The following AKAP1 variants were observed in gnomAD, a reference collection of about 807,000 sequenced individuals.
AKAP1 encodes the protein A-kinase anchor protein 1, mitochondrial.
Under a neutral mutation model 79.8 loss-of-function variants are expected in AKAP1, and 32 were observed. The ratio of observed to expected loss-of-function variants is 0.40; its 90% confidence interval spans 0.30 to 0.54. The LOEUF (loss-of-function observed/expected upper bound fraction) is 0.54, where lower values mean the gene tolerates loss of function less well. Ranked by LOEUF, AKAP1 falls within the 20% of genes least tolerant of loss-of-function variation. The probability of loss-of-function intolerance (pLI) is 0.47; values close to 1 mark genes in which losing one functional copy is unlikely to be tolerated. For synonymous variants in AKAP1, 416 were observed against 466.7 expected (o/e 0.89, Z 1.40); for missense variants, 961 against 1,138.9 (o/e 0.84, Z 2.25).
At chr17:57,092,181 T>C (rs954419711) in intron 1 of AKAP1, 2 of 152,184 alleles carry the variant, frequency 1.3e-5, no homozygotes, top group Non-Finnish European at 2.9e-5. Context: ...ACACAGAAGC[T>C]GAAGAGGGAT....
intron 3 of AKAP1, 48 bp from the exon 4 acceptor site, chr17:57,111,750 G>T: frequency 6.2e-7 from 1 of 1,606,864 alleles, no homozygotes; most frequent in Non-Finnish European, 8.5e-7. Context: ...GGTGTCCAGG[G>T]AATTGGTTTC....
At chr17:57,109,019 A>G (rs144238977) in intron 2 of AKAP1, among the ~76,000 whole-genome samples, 1 of 152,184 alleles carries the variant, frequency 6.6e-6, no homozygotes, top group Non-Finnish European at 1.5e-5. Context: ...TAAGGGGGGA[A>G]GTCATTTTGA....
intron 6 of AKAP1, among the ~76,000 whole-genome samples, chr17:57,115,695 T>C (rs1915538108): frequency 6.6e-6 from 1 of 152,212 alleles, no homozygotes; most frequent in South Asian, 2.1e-4. Context: ...ACCCTAGGTA[T>C]GAGGATGCTG....
chr17:57,107,275 CAA>C (rs887929264), intron 2 of AKAP1, 97 bp downstream of exon 2: 2 of 1,487,884 alleles, frequency 1.3e-6, no homozygotes, highest in African/African-American at 1.4e-5. Flanking sequence ...ACTTGTGCAG[CAA>C]AGTCATAGTG....
chr17:57,109,253 C>T (rs11651918), intron 2 of AKAP1, among the ~76,000 whole-genome samples: 15,195 of 152,198 alleles, frequency 0.1, 839 homozygotes, highest in Non-Finnish European at 0.11. Flanking sequence ...TTTTTTGTGA[C>T]GGTCCCTTTG....
intron 2 of AKAP1, chr17:57,107,834 G>A: frequency 3.6e-6 from 2 of 557,346 alleles, no homozygotes; most frequent in Non-Finnish European, 6.2e-6. Context: ...AGCTCTTACA[G>A]GGTAAGTGCC....
chr17:57,105,222 G>A (rs1266835097), intron 1 of AKAP1, among the ~76,000 whole-genome samples: 2 of 152,208 alleles, frequency 1.3e-5, no homozygotes, highest in Non-Finnish European at 2.9e-5. Flanking sequence ...GAGTTGGGGA[G>A]CATGGAGGGG....
At chr17:57,101,230 G>A (rs2072026055) in intron 1 of AKAP1, among the ~76,000 whole-genome samples, 1 of 152,174 alleles carries the variant, frequency 6.6e-6, no homozygotes, top group Admixed American at 6.5e-5. Flanking sequence ...CCCCCAGGAT[G>A]GGGTCTCACT....
intron 2 of AKAP1, among the ~76,000 whole-genome samples, chr17:57,109,316 C>T (rs1282290099): frequency 6.6e-6 from 1 of 152,178 alleles, no homozygotes; most frequent in Non-Finnish European, 1.5e-5. Context: ...GAGTCTGTTC[C>T]CATTGGGTTT....
intron 3 of AKAP1, among the ~76,000 whole-genome samples, chr17:57,111,495 C>A (rs978070226): frequency 6.6e-6 from 1 of 152,222 alleles, no homozygotes; most frequent in Non-Finnish European, 1.5e-5. Context: ...GAAATGGGAA[C>A]TGCTTGGTCC....
At chr17:57,119,830 C>CTTTTTTGTTTTTTTTTT (rs1915810421) in intron 10 of AKAP1, among the ~76,000 whole-genome samples, 1 of 70,290 alleles carries the variant, frequency 1.4e-5, no homozygotes, top group East Asian at 3.4e-4. Flanking sequence ...CCCTGTTACT[C>CTTTTTTGTTTTTTTTTT]TTTTTTTTTT....
intron 1 of AKAP1, among the ~76,000 whole-genome samples, chr17:57,097,031 TA>T (rs1310967585): frequency 1.3e-5 from 2 of 152,060 alleles, no homozygotes; most frequent in Non-Finnish European, 2.9e-5. Flanking sequence ...TACTCTACTT[TA>T]CCATGTTGCA....
At chr17:57,118,842 G>A (rs369019743) in intron 9 of AKAP1, 140 bp from the exon 10 acceptor site, 3 of 888,206 alleles carry the variant, frequency 3.4e-6, no homozygotes, top group African/African-American at 3.3e-5. Context: ...AACAGCATGG[G>A]CACACCGCCT....
chr17:57,086,151 T>C lies in AKAP1; in HGVS notation c.-25+753T>C. ...GGCGTGTCCGGAGGGGTGGAGGCCG[T>C]CCAGCCTGGGGTGTCTGCCGACCTC... On this transcript the variant is annotated intron_variant, in intron 1 of 10. Coordinates refer to ENST00000337714, the MANE Select transcript of AKAP1 (RefSeq NM_003488.4). This position sits in a 1 kb window ranked among gnomAD's most constrained non-coding sequence, Gnocchi z 5.1. 1 of 310,316 alleles carries C rather than the reference T, an allele frequency of 3.2e-6. No homozygotes were observed. The highest frequency in any genetic ancestry group is 2.3e-5 in the South Asian group (1 of 42,982). 19.2% of individuals were successfully genotyped at this position (310,316 alleles called of 1,614,324 possible).
intron 5 of AKAP1, 55 bp from the exon 6 acceptor site, chr17:57,114,404 C>A: frequency 6.3e-7 from 1 of 1,588,806 alleles, no homozygotes; most frequent in South Asian, 1.1e-5. Context: ...GGGACTTATT[C>A]AAAGATGAGA....
In AKAP1 at chr17:57,105,600, G is replaced by A; in HGVS notation, c.136G>A (p.Val46Met). The change falls in exon 2 of 11, where the codon GTG (valine) becomes ATG (methionine). Residue 46 changes from valine to methionine, a missense_variant. Coordinates refer to ENST00000337714, the MANE Select transcript of AKAP1 (RefSeq NM_003488.4). ...HDEQQVEAGA[V>M]QLRADPAIKE... is the part of the protein sequence containing the mutation. ...TGAGCAGCAGGTGGAGGCTGGTGCT[G>A]TGCAGCTGAGGGCTGACCCTGCCAT... 6.2e-7 allele frequency: 1 copy of A among 1,614,138 alleles called. No homozygotes were observed. The highest frequency in any genetic ancestry group is 8.5e-7 in the Non-Finnish European group (1 of 1,180,026).
At chr17:57,100,123 A>G (rs1321351256) in intron 1 of AKAP1, among the ~76,000 whole-genome samples, 1 of 152,186 alleles carries the variant, frequency 6.6e-6, no homozygotes, top group East Asian at 1.9e-4. Flanking sequence ...GGCCCTTGAT[A>G]TGTAAAATAA....
chr17:57,091,558 G>A (rs1365960457), intron 1 of AKAP1, among the ~76,000 whole-genome samples: 1 of 152,198 alleles, frequency 6.6e-6, no homozygotes, highest in East Asian at 1.9e-4. Context: ...GCATGTGACT[G>A]AGGCAGCCCG....
At chr17:57,117,867 G>A (rs1052761013) in intron 8 of AKAP1, among the ~76,000 whole-genome samples, 7 of 152,254 alleles carry the variant, frequency 4.6e-5, no homozygotes, top group South Asian at 2.1e-4. Flanking sequence ...GAATGCTGCC[G>A]CAGCGCCTTG....
Sources: gnomAD v4.1 joint callset for allele counts (sites outside exome capture counted in the v4.1 genomes callset) on GRCh38, gnomAD v4.1.1 for gene constraint, Gnocchi (gnomAD v3.1) non-coding constraint, MANE v1.5 for transcripts, NCBI Gene and HGNC (gene_info 2026-07-23, HGNC 2026-07-21) for gene names.